Variants in NELL1 observed in about 807,000 individuals in gnomAD.
NELL1 encodes the protein protein kinase C-binding protein NELL1.
Under a neutral mutation model 107.4 loss-of-function variants are expected in NELL1, and 76 were observed. That is an observed-to-expected ratio of 0.71 (90% CI 0.59 to 0.86). The LOEUF is 0.86. Ranked by LOEUF, NELL1 falls within the 40% of genes least tolerant of loss-of-function variation. The pLI is 0.00. For synonymous variants in NELL1, 353 were observed against 341.2 expected (o/e 1.03, Z -0.38); for missense variants, 1,024 against 1,005.5 (o/e 1.02, Z -0.25).
rs77219116 is a variant in NELL1, at chr11:21,487,752, G to A, written c.1646-46622G>A. On this transcript the variant is annotated intron_variant, in intron 15 of 19. Transcript: ENST00000357134. ...AGATTGGCTGAATGGATTTTAAAAAGCTATAATCCAACTATATGCTACCTA... is the reference window on the plus strand; with the variant it reads ...AGATTGGCTGAATGGATTTTAAAAAACTATAATCCAACTATATGCTACCTA... Among the ~76,000 whole-genome samples the A allele has an allele frequency of 0.021, 3,225 of 152,140 alleles. 294 individuals are homozygous for A. The East Asian group carries it at 0.29, about 14-fold the overall frequency.
In NELL1 at chr11:21,280,975, G is replaced by A. The variant is rs78730325; in HGVS notation, c.1549+51521G>A. On this transcript the variant is annotated intron_variant, in intron 14 of 19. Coordinates refer to ENST00000357134, the MANE Select transcript of NELL1 (RefSeq NM_006157.5). ...AGGCAACCTATTGAGACACCAGCCA[G>A]GCCAGCTAAGGGAGTGCTTGCACCG... Among the ~76,000 whole-genome samples, 1,433 of 151,952 alleles carry A rather than the reference G, an allele frequency of 9.4e-3. 54 individuals carry two copies. In the East Asian group the frequency reaches 0.14, roughly 14 times the overall value.
intron 15 of NELL1, among the ~76,000 whole-genome samples, chr11:21,417,023 TG>T (rs1171255763): frequency 6.6e-6 from 1 of 152,090 alleles, no homozygotes; most frequent in Admixed American, 6.6e-5. Flanking sequence ...AGTCCACAAC[TG>T]GTGTCAGTGG....
At chr11:21,183,622 G>A (rs189549825) in intron 13 of NELL1, among the ~76,000 whole-genome samples, 8 of 151,858 alleles carry the variant, frequency 5.3e-5, no homozygotes, top group Admixed American at 5.2e-4. Flanking sequence ...GCAGAGCTCT[G>A]GCCTATAAAA....
intron 16 of NELL1, among the ~76,000 whole-genome samples, chr11:21,548,118 T>C (rs547179163): frequency 6.6e-6 from 1 of 152,014 alleles, no homozygotes; most frequent in South Asian, 2.1e-4. Context: ...GCAAACAGTA[T>C]GGTGCCATTG....
intron 12 of NELL1, among the ~76,000 whole-genome samples, chr11:21,075,232 A>C (rs756742624): frequency 8.5e-5 from 13 of 152,188 alleles, no homozygotes; most frequent in Non-Finnish European, 1.9e-4. Context: ...GTACCTTTTA[A>C]ATCTGCAATT....
At chr11:20,791,730 G>GTTT (rs368213562) in intron 3 of NELL1, among the ~76,000 whole-genome samples, 74 of 79,504 alleles carry the variant, frequency 9.3e-4, no homozygotes, top group Middle Eastern at 7.4e-3. Context: ...CAGTCTGGAG[G>GTTT]TTTTTTTTTT....
At chr11:20,931,952 T>C (rs1850627624) in intron 9 of NELL1, among the ~76,000 whole-genome samples, 1 of 152,080 alleles carries the variant, frequency 6.6e-6, no homozygotes, top group African/African-American at 2.4e-5. Context: ...TAAAAGCAGA[T>C]TGTGTTGTCT....
intron 14 of NELL1, among the ~76,000 whole-genome samples, chr11:21,352,586 T>A (rs547333235): frequency 1.3e-5 from 2 of 152,306 alleles, no homozygotes; most frequent in African/African-American, 4.8e-5. Context: ...CTGATATTAA[T>A]TCCTCATTTC....
chr11:21,363,276 A>G (rs577125665), intron 14 of NELL1, among the ~76,000 whole-genome samples: 1 of 152,304 alleles, frequency 6.6e-6, no homozygotes, highest in South Asian at 2.1e-4. Context: ...GAGTATGTTC[A>G]AGGTACTTCC....
At chr11:21,139,403 C>T (rs1252258722) in intron 13 of NELL1, among the ~76,000 whole-genome samples, 1 of 152,202 alleles carries the variant, frequency 6.6e-6, no homozygotes, top group Non-Finnish European at 1.5e-5. Flanking sequence ...TGGCAAAGGT[C>T]TCCATTTCAG....
chr11:21,362,783 T>C (rs1385108142), intron 14 of NELL1, among the ~76,000 whole-genome samples: 1 of 151,720 alleles, frequency 6.6e-6, no homozygotes, highest in East Asian at 1.9e-4. Context: ...CCAGGGTGGG[T>C]AGATAAATAT....
intron 12 of NELL1, among the ~76,000 whole-genome samples, chr11:21,069,796 G>C (rs556702869): frequency 5.9e-5 from 9 of 152,236 alleles, no homozygotes; most frequent in African/African-American, 2.2e-4. Flanking sequence ...TATGGATTTT[G>C]CAGGCAGGAG....
At position 20,669,820 on chromosome 11, in the gene NELL1, G is replaced by T. The variant is rs1230144337; in HGVS notation, c.55+42G>T. On this transcript the variant is annotated intron_variant, in intron 1 of 19. Coordinates refer to ENST00000357134, the MANE Select transcript of NELL1 (RefSeq NM_006157.5). The surrounding 1 kb of genome is among the most constrained non-coding windows in gnomAD (Gnocchi z 4.4). ...CGGTTAGAGGGATCCGGGAAATGGG[G>T]GTGCCCACAGACCACGGCGGCGTGG... 1 of 1,557,530 alleles carries T rather than the reference G, an allele frequency of 6.4e-7. No individual in the cohort carries two copies. The highest frequency in any genetic ancestry group is 8.9e-7 in the Non-Finnish European group (1 of 1,129,266).
chr11:21,524,716 A>G (rs1855808014), intron 15 of NELL1, among the ~76,000 whole-genome samples: 1 of 152,218 alleles, frequency 6.6e-6, no homozygotes, highest in Non-Finnish European at 1.5e-5. Flanking sequence ...AGATTTTTAC[A>G]ATAAGAATCA....
chr11:21,143,134 T>C (rs1855903939), intron 13 of NELL1, among the ~76,000 whole-genome samples: 1 of 152,212 alleles, frequency 6.6e-6, no homozygotes, highest in African/African-American at 2.4e-5. Context: ...TTTACACCTT[T>C]ACTAGTTGCC....
intron 16 of NELL1, among the ~76,000 whole-genome samples, chr11:21,550,306 T>C (rs945777288): frequency 6.6e-6 from 1 of 152,004 alleles, no homozygotes; most frequent in Middle Eastern, 3.2e-3. Flanking sequence ...TTCACTCTGA[T>C]GGTAGTTTCT....
chr11:21,354,619 G>A (rs1293595535), intron 14 of NELL1, among the ~76,000 whole-genome samples: 1 of 152,166 alleles, frequency 6.6e-6, no homozygotes, highest in Non-Finnish European at 1.5e-5. Context: ...ATTGTGAAGT[G>A]CTTTTTAAAC....
At chr11:21,167,545 C>G (rs1856512438) in intron 13 of NELL1, among the ~76,000 whole-genome samples, 1 of 151,842 alleles carries the variant, frequency 6.6e-6, no homozygotes, top group Admixed American at 6.6e-5. Context: ...TTAGATACTG[C>G]AGTTCTCTTA....
intron 12 of NELL1, among the ~76,000 whole-genome samples, chr11:21,020,755 A>C (rs1852678737): frequency 6.6e-6 from 1 of 151,984 alleles, no homozygotes; most frequent in Admixed American, 6.6e-5. Context: ...GATTTATGTC[A>C]GAAAATACAT....
Sources: gnomAD v4.1 joint callset for allele counts (sites outside exome capture counted in the v4.1 genomes callset) on GRCh38, gnomAD v4.1.1 for gene constraint, Gnocchi (gnomAD v3.1) non-coding constraint, MANE v1.5 for transcripts, NCBI Gene and HGNC (gene_info 2026-07-23, HGNC 2026-07-21) for gene names.